Variants in FHIT observed in about 807,000 individuals in gnomAD.
The protein encoded by FHIT is bis(5'-adenosyl)-triphosphatase.
In FHIT, 19 loss-of-function variants were observed where a neutral mutation model predicts 17.9. That is an observed-to-expected ratio of 1.06 (90% CI 0.74 to 1.56). FHIT has a LOEUF of 1.56. Among genes scored for constraint, FHIT ranks in the 40% most tolerant of loss-of-function variants. The pLI, the probability that FHIT is intolerant of heterozygous loss-of-function variation, is 0.00. For missense variants in FHIT, 248 were observed against 189.2 expected (o/e 1.31, Z -1.82); for synonymous variants, 81 against 69.7 (o/e 1.16, Z -0.81).
At chr3:60,424,765 T>C (rs947858713) in intron 5 of FHIT, among the ~76,000 whole-genome samples, 1 of 152,124 alleles carries the variant, frequency 6.6e-6, no homozygotes, top group Admixed American at 6.6e-5. Context: ...CAACTTTTAA[T>C]GTAGCATTGT....
chr3:60,632,459 G>C (rs1216561109), intron 4 of FHIT, among the ~76,000 whole-genome samples: 1 of 152,216 alleles, frequency 6.6e-6, no homozygotes, highest in Non-Finnish European at 1.5e-5. Context: ...CTTGAATACA[G>C]AAGAGGTGTT....
intron 5 of FHIT, among the ~76,000 whole-genome samples, chr3:60,107,992 G>C (rs1704500815): frequency 6.6e-6 from 1 of 152,152 alleles, no homozygotes; most frequent in Non-Finnish European, 1.5e-5. Context: ...TGCTGTGAAA[G>C]GACATTCAGA....
At chr3:60,054,859 A>G (rs1457497230) in intron 5 of FHIT, among the ~76,000 whole-genome samples, 1 of 152,180 alleles carries the variant, frequency 6.6e-6, no homozygotes, top group Admixed American at 6.5e-5. Context: ...CAATAATAAT[A>G]GCATTTCATC....
chr3:60,357,447 G>A (rs1699721605), intron 5 of FHIT, among the ~76,000 whole-genome samples: 1 of 152,094 alleles, frequency 6.6e-6, no homozygotes, highest in Non-Finnish European at 1.5e-5. Context: ...GTTTCGCTAT[G>A]TTGGTCAGAC....
chr3:61,023,973 G>C (rs2032597785), intron 3 of FHIT, among the ~76,000 whole-genome samples: 1 of 151,896 alleles, frequency 6.6e-6, no homozygotes, highest in South Asian at 2.1e-4. Context: ...CAAAAGCAAT[G>C]GCAACAAAAG....
intron 2 of FHIT, among the ~76,000 whole-genome samples, chr3:61,125,634 T>G (rs9820481): frequency 0.016 from 2,445 of 152,304 alleles, 57 homozygotes; most frequent in African/African-American, 0.055. Context: ...GAAAATCATC[T>G]GGCAAACAAC....
intron 8 of FHIT, among the ~76,000 whole-genome samples, chr3:59,769,334 C>T (rs1398382397): frequency 6.6e-6 from 1 of 152,184 alleles, no homozygotes; most frequent in Admixed American, 6.5e-5. Flanking sequence ...CACGTGCCCT[C>T]TCTGTGCTGG....
intron 2 of FHIT, among the ~76,000 whole-genome samples, chr3:61,148,237 A>G (rs1454327585): frequency 6.6e-6 from 1 of 152,052 alleles, no homozygotes; most frequent in Non-Finnish European, 1.5e-5. Flanking sequence ...GGGATAACTT[A>G]TATATAGTAA....
intron 5 of FHIT, among the ~76,000 whole-genome samples, chr3:60,126,610 A>G (rs1463863201): frequency 6.6e-6 from 1 of 152,202 alleles, no homozygotes; most frequent in Non-Finnish European, 1.5e-5. Flanking sequence ...TATAAAACCC[A>G]CATGAGTATC....
rs141162661 is a variant in FHIT, at chr3:60,205,917, G to A, written c.104-191765C>T. On this transcript the variant is annotated intron_variant, in intron 5 of 9. Transcript: ENST00000492590. ...AGGTCAGGTGATTGAGACCATCCTG[G>A]CTAACACGGTGAAACCCCGTCTCTA... Among the ~76,000 whole-genome samples, 704 of 151,444 alleles carry A rather than the reference G, an allele frequency of 4.6e-3. 5 individuals are homozygous for A. Among genetic ancestry groups the A allele is most frequent in the African/African-American group, 0.016 (660 of 41,262 alleles).
intron 5 of FHIT, among the ~76,000 whole-genome samples, chr3:60,264,834 C>T (rs1359903372): frequency 6.7e-6 from 1 of 149,792 alleles, no homozygotes; most frequent in Non-Finnish European, 1.5e-5. Flanking sequence ...CGACTTTCAC[C>T]TCACTGTTTC....
intron 4 of FHIT, among the ~76,000 whole-genome samples, chr3:60,779,031 C>T (rs1478282174): frequency 1.3e-5 from 2 of 152,190 alleles, no homozygotes; most frequent in African/African-American, 2.4e-5. Context: ...TGGCTAGGCT[C>T]AGCTTTAAAA....
intron 8 of FHIT, among the ~76,000 whole-genome samples, chr3:59,787,699 G>A (rs1193377137): frequency 6.6e-6 from 1 of 152,172 alleles, no homozygotes; most frequent in Non-Finnish European, 1.5e-5. Context: ...GAAGCACTTT[G>A]CAAGAAGGAT....
intron 4 of FHIT, among the ~76,000 whole-genome samples, chr3:60,554,704 CA>C (rs1370002756): frequency 6.6e-6 from 1 of 152,020 alleles, no homozygotes; most frequent in East Asian, 1.9e-4. Flanking sequence ...AAAGAAATAC[CA>C]AAGGAAAAAC....
chr3:61,184,667 T>C (rs955340691), intron 2 of FHIT, among the ~76,000 whole-genome samples: 1 of 152,122 alleles, frequency 6.6e-6, no homozygotes, highest in African/African-American at 2.4e-5. Flanking sequence ...TCACATCTAT[T>C]GTGATTCCAC....
intron 8 of FHIT, among the ~76,000 whole-genome samples, chr3:59,836,949 T>C (rs919926515): frequency 6.6e-6 from 1 of 152,216 alleles, no homozygotes; most frequent in Non-Finnish European, 1.5e-5. Context: ...GTTATAGTGC[T>C]ATTTCTAGTC....
At chr3:60,134,949 G>C (rs1198034292) in intron 5 of FHIT, among the ~76,000 whole-genome samples, 1 of 151,832 alleles carries the variant, frequency 6.6e-6, no homozygotes, top group African/African-American at 2.4e-5. Flanking sequence ...ATGGAGTAGA[G>C]GAAAGAGAAA....
intron 4 of FHIT, among the ~76,000 whole-genome samples, chr3:60,679,393 A>G (rs1213490715): frequency 1.3e-5 from 2 of 152,176 alleles, no homozygotes; most frequent in East Asian, 1.9e-4. Flanking sequence ...TAAAAATCAC[A>G]TATTATTCTA....
chr3:60,888,558 A>T (rs1705341683), intron 3 of FHIT, among the ~76,000 whole-genome samples: 1 of 152,302 alleles, frequency 6.6e-6, no homozygotes, highest in Admixed American at 6.5e-5. Flanking sequence ...TTAGAATAAC[A>T]TGTCAAATTA....
Sources: allele counts gnomAD v4.1 joint callset (sites outside exome capture counted in the v4.1 genomes callset), GRCh38; gene constraint gnomAD v4.1.1; transcripts MANE v1.5; gene names NCBI Gene and HGNC (gene_info 2026-07-23, HGNC 2026-07-21).